PRORP: variants seen among roughly 807,000 people sequenced by gnomAD.
PRORP encodes the protein protein only RNase P catalytic subunit.
A neutral mutation model predicts 59.4 loss-of-function variants in PRORP; 51 were observed. That is an observed-to-expected ratio of 0.86 (90% CI 0.69 to 1.08). PRORP has a LOEUF of 1.08. Ranked by LOEUF, PRORP falls within the 50% of genes least tolerant of loss-of-function variation. The pLI is 0.00. For missense variants in PRORP, 646 were observed against 690.3 expected, an observed-to-expected ratio of 0.94 and a Z score of 0.72; for synonymous variants, 231 against 245.6, an observed-to-expected ratio of 0.94 and a Z score of 0.55.
chr14:35,265,139 A>T (rs570221350), intron 5 of PRORP, among the ~76,000 whole-genome samples: 2 of 152,342 alleles, frequency 1.3e-5, no homozygotes, highest in South Asian at 4.1e-4. Flanking sequence ...TTTATTGATG[A>T]TAGGACTTTA....
Position 35,127,542 on chromosome 14 carries a change from A to G in PRORP, c.1098A>G (p.Glu366=). Reference sequence around the variant, plus strand: ...TTCAGCTGAGTCCAGAAGAATATGAATGTCTTAAGGGAAAAATCATGAGGG... The same window carrying G: ...TTCAGCTGAGTCCAGAAGAATATGAGTGTCTTAAGGGAAAAATCATGAGGG... ...ESIQLSPEEY[E]CLKGKIMRDV... The change falls in exon 4 of 8, where the codon GAA becomes GAG. Residue 366 remains glutamate, a synonymous_variant. Coordinates refer to ENST00000534898, the MANE Select transcript of PRORP (RefSeq NM_014672.4). 1.9e-6 allele frequency: 3 copies of G among 1,613,824 alleles called. No individual in the cohort carries two copies. The highest frequency in any genetic ancestry group is 2.5e-6 in the Non-Finnish European group (3 of 1,179,726).
At chr14:35,207,029 A>C (rs1262820207) in intron 5 of PRORP, among the ~76,000 whole-genome samples, 1 of 152,178 alleles carries the variant, frequency 6.6e-6, no homozygotes, top group African/African-American at 2.4e-5. Context: ...TCTGCTTTTA[A>C]GATTATTAAT....
At chr14:35,236,969 T>C (rs1045358866) in intron 5 of PRORP, among the ~76,000 whole-genome samples, 3 of 151,752 alleles carry the variant, frequency 2.0e-5, no homozygotes, top group Non-Finnish European at 4.4e-5. Flanking sequence ...TTCTTTCTTT[T>C]CTTTCCTTTC....
intron 5 of PRORP, among the ~76,000 whole-genome samples, chr14:35,245,745 G>A (rs2050466451): frequency 6.6e-6 from 1 of 152,170 alleles, no homozygotes; most frequent in Non-Finnish European, 1.5e-5. Context: ...ATTGCCCTCT[G>A]TATCTGATAC....
chr14:35,208,594 G>A (rs1044543134), intron 5 of PRORP, among the ~76,000 whole-genome samples: 1 of 152,186 alleles, frequency 6.6e-6, no homozygotes, highest in African/African-American at 2.4e-5. Context: ...TAATGGCCGG[G>A]CATGGTGGCT....
chr14:35,263,573 A>G (rs1225844859), intron 5 of PRORP, among the ~76,000 whole-genome samples: 1 of 152,144 alleles, frequency 6.6e-6, no homozygotes, highest in African/African-American at 2.4e-5. Context: ...CTGTAATCCA[A>G]GGTACTCAGG....
At chr14:35,182,502 G>A (rs4981269) in intron 5 of PRORP, among the ~76,000 whole-genome samples, 1 of 151,840 alleles carries the variant, frequency 6.6e-6, no homozygotes, top group Non-Finnish European at 1.5e-5. Flanking sequence ...AAAATTAGCC[G>A]GGTGTGGTGG....
chr14:35,175,744 A>C (rs1453179544), intron 4 of PRORP, among the ~76,000 whole-genome samples: 1 of 152,202 alleles, frequency 6.6e-6, no homozygotes, highest in African/African-American at 2.4e-5. Context: ...CTTGAGTTTA[A>C]TTAGATCCCA....
At chr14:35,130,933 G>GC (rs1476006214) in intron 4 of PRORP, among the ~76,000 whole-genome samples, 1 of 151,154 alleles carries the variant, frequency 6.6e-6, no homozygotes, top group African/African-American at 2.4e-5. Flanking sequence ...AGTCACCAGA[G>GC]TAACGGTCCT....
intron 4 of PRORP, among the ~76,000 whole-genome samples, chr14:35,131,572 A>C (rs2047239489): frequency 6.7e-6 from 1 of 149,670 alleles, no homozygotes; most frequent in Non-Finnish European, 1.5e-5. Context: ...TCTGTCACCC[A>C]GGCTGGAGTG....
At chr14:35,222,942 G>T (rs1052790820) in intron 5 of PRORP, among the ~76,000 whole-genome samples, 1 of 152,094 alleles carries the variant, frequency 6.6e-6, no homozygotes, top group Non-Finnish European at 1.5e-5. Flanking sequence ...CCTTCTGTCT[G>T]TCTGGGGTTA....
chr14:35,255,074 A>G (rs1199954720), intron 5 of PRORP, among the ~76,000 whole-genome samples: 1 of 152,036 alleles, frequency 6.6e-6, no homozygotes, highest in Non-Finnish European at 1.5e-5. Flanking sequence ...TGCATACATT[A>G]TATTATATTA....
In PRORP at chr14:35,166,371, T is replaced by G. The variant is rs562686301; in HGVS notation, c.1168-14299T>G. Among the ~76,000 whole-genome samples the G allele has an allele frequency of 9.2e-5, 14 of 152,260 alleles. No individual in the cohort carries two copies. The South Asian group carries it at 2.9e-3, about 32-fold the overall frequency. On this transcript the variant is annotated intron_variant, in intron 4 of 7. Transcript: ENST00000534898. ...TCTTTCTTCATAGATGCAACCGAAT[T>G]TGTCCTCTTCTTTGAGGGATCCAGG...
At chr14:35,202,468 G>A (rs1168950918) in intron 5 of PRORP, among the ~76,000 whole-genome samples, 11 of 152,008 alleles carry the variant, frequency 7.2e-5, no homozygotes, top group African/African-American at 2.2e-4. Flanking sequence ...TGGAGGATTA[G>A]CATGTATTTT....
chr14:35,177,734 CTCTG>C (rs1248222100), intron 4 of PRORP, among the ~76,000 whole-genome samples: 1 of 151,992 alleles, frequency 6.6e-6, no homozygotes, highest in Non-Finnish European at 1.5e-5. Context: ...TTTTTTGTGT[CTCTG>C]TCTCTTTCAG....
At chr14:35,143,020 T>C (rs2047518930) in intron 4 of PRORP, among the ~76,000 whole-genome samples, 1 of 145,624 alleles carries the variant, frequency 6.9e-6, no homozygotes, top group African/African-American at 2.4e-5. Context: ...TTTCTTGTTG[T>C]AAAAAGTACT....
Position 35,142,965 on chromosome 14 carries a change from G to C in PRORP, c.1167+15354G>C, listed in dbSNP as rs1335623394. Among the ~76,000 whole-genome samples, 7 of 145,516 alleles carry C rather than the reference G, an allele frequency of 4.8e-5. 2 individuals carry two copies. Among genetic ancestry groups the C allele is most frequent in the African/African-American group, 1.7e-4 (7 of 41,012 alleles). The stretch of plus-strand genomic sequence containing the variant: ...CGAAGTGCTGGGATTACAGGCATAA[G>C]CCACCATGCTTGGCCTAAATTCTCT... On this transcript the variant is annotated intron_variant, in intron 4 of 7. Transcript: ENST00000534898.
intron 4 of PRORP, among the ~76,000 whole-genome samples, chr14:35,179,771 T>C (rs1181377155): frequency 6.6e-6 from 1 of 152,264 alleles, no homozygotes; most frequent in East Asian, 1.9e-4. Context: ...GTTCTGTTGC[T>C]GGCGAGGAGC....
At chr14:35,172,617 T>A (rs573294653) in intron 4 of PRORP, among the ~76,000 whole-genome samples, 13 of 151,196 alleles carry the variant, frequency 8.6e-5, no homozygotes, top group Non-Finnish European at 1.9e-4. Context: ...TTGCATGATC[T>A]CAGCTCACTG....
Sources: gnomAD v4.1 joint callset for allele counts (sites outside exome capture counted in the v4.1 genomes callset) on GRCh38, gnomAD v4.1.1 for gene constraint, MANE v1.5 for transcripts, NCBI Gene and HGNC (gene_info 2026-07-23, HGNC 2026-07-21) for gene names.